ZNF681: variants seen among roughly 807,000 people sequenced by gnomAD.
ZNF681 encodes zinc finger protein 681, also known as hypothetical protein FLJ31526.
A neutral mutation model predicts 56.0 loss-of-function variants in ZNF681; 37 were observed. That is an observed-to-expected ratio of 0.66 (90% CI 0.51 to 0.87). ZNF681 has a LOEUF of 0.87. Ranked by LOEUF, ZNF681 falls within the 40% of genes least tolerant of loss-of-function variation. The pLI is 0.00. For synonymous variants in ZNF681, 225 were observed against 248.6 expected, an observed-to-expected ratio of 0.91 and a Z score of 0.89; for missense variants, 741 against 744.9, an observed-to-expected ratio of 0.99 and a Z score of 0.06.
intron 3 of ZNF681, among the ~76,000 whole-genome samples, chr19:23,751,022 G>A (rs1316571732): frequency 1.7e-4 from 10 of 58,472 alleles, no homozygotes; most frequent in Admixed American, 4.8e-4. Context: ...TCTGCTACTC[G>A]GGAGGCTGAG....
In ZNF681 at chr19:23,745,367, C is replaced by G. The variant is rs1409062655; in HGVS notation, c.227-44G>C. ...ACAAATGACTCCACTTGATAAGACT[C>G]TAAATATACTTTACAAATCCAACCT... On this transcript the variant is annotated intron_variant, in intron 3 of 3. Coordinates refer to ENST00000402377, the MANE Select transcript of ZNF681 (RefSeq NM_138286.3). The G allele has an allele frequency of 2.8e-6, 4 of 1,411,470 alleles. No homozygotes were observed. The African/African-American group carries it at 5.8e-5, about 21-fold the overall frequency. The allele number at this position is 1,411,470 out of a possible 1,614,324, so 87.4% of individuals were successfully genotyped here. A position where few individuals can be genotyped will look rare whatever the true frequency, so the allele number is the denominator to read the frequency against.
intron 1 of ZNF681, among the ~76,000 whole-genome samples, chr19:23,757,153 T>G (rs2144856869): frequency 6.6e-6 from 1 of 152,244 alleles, no homozygotes; most frequent in South Asian, 2.1e-4. Flanking sequence ...CCCAAAATGC[T>G]GGGATTACAG....
chr19:23,746,418 C>G (rs2144842022), intron 3 of ZNF681, among the ~76,000 whole-genome samples: 1 of 152,142 alleles, frequency 6.6e-6, no homozygotes, highest in Non-Finnish European at 1.5e-5. Context: ...GAGGGTCTCA[C>G]AAAGCTTACA....
At chr19:23,753,322 C>A (rs1262945496) in intron 3 of ZNF681, among the ~76,000 whole-genome samples, 3 of 152,272 alleles carry the variant, frequency 2.0e-5, no homozygotes, top group Non-Finnish European at 4.4e-5. Flanking sequence ...TTGCTTGAAC[C>A]CGGGAGGCAG....
chr19:23,754,037 G>A (rs1354521857), intron 3 of ZNF681, among the ~76,000 whole-genome samples: 1 of 150,990 alleles, frequency 6.6e-6, no homozygotes, highest in Non-Finnish European at 1.5e-5. Flanking sequence ...AAACAAAGCT[G>A]AACGACATCA....
chr19:23,749,172 C>T (rs934509778), intron 3 of ZNF681, among the ~76,000 whole-genome samples: 1 of 152,018 alleles, frequency 6.6e-6, no homozygotes, highest in Non-Finnish European at 1.5e-5. Flanking sequence ...TAAAAAAAAT[C>T]TTGTCACACT....
chr19:23,750,294 A>AC lies in ZNF681; in HGVS notation c.226+4528_226+4529insG, dbSNP rs1390449596. On this transcript the variant is annotated intron_variant, in intron 3 of 3. Transcript: ENST00000402377. ...GTGAGACTCCAACTCAAAAAAAAAA[A>AC]AAAAAAAAACCAAAAAACAACTAAG... 3.4e-4 allele frequency among the ~76,000 whole-genome samples: 25 copies of AC among 74,192 alleles called. 1 individual carries two copies. Among genetic ancestry groups the AC allele is most frequent in the Non-Finnish European group, 5.5e-4 (22 of 40,064 alleles). 48.7% of individuals were successfully genotyped at this position (74,192 alleles called of 152,430 possible).
chr19:23,750,072 G>A (rs993143510), intron 3 of ZNF681, among the ~76,000 whole-genome samples: 1 of 151,370 alleles, frequency 6.6e-6, no homozygotes, highest in Non-Finnish European at 1.5e-5. Context: ...ATCACCTGAG[G>A]TCGGAAGTTC....
chr19:23,749,054 T>C (rs963256120), intron 3 of ZNF681, among the ~76,000 whole-genome samples: 2 of 152,214 alleles, frequency 1.3e-5, no homozygotes, highest in Non-Finnish European at 2.9e-5. Context: ...ATATTGATGT[T>C]TACTGTACCA....
At chr19:23,754,220 G>A (rs540997371) in intron 3 of ZNF681, among the ~76,000 whole-genome samples, 18 of 152,136 alleles carry the variant, frequency 1.2e-4, no homozygotes, top group East Asian at 3.9e-4. Flanking sequence ...CCAAAACAAT[G>A]GAAAAGCAGT....
At chr19:23,745,555 C>T (rs961476263) in intron 3 of ZNF681, among the ~76,000 whole-genome samples, 2 of 150,930 alleles carry the variant, frequency 1.3e-5, no homozygotes, top group Non-Finnish European at 2.9e-5. Flanking sequence ...CAGGTTCAAG[C>T]AACTCTCCTG....
At chr19:23,754,098 C>A (rs1041554976) in intron 3 of ZNF681, among the ~76,000 whole-genome samples, 1 of 145,802 alleles carries the variant, frequency 6.9e-6, no homozygotes, top group Admixed American at 7.1e-5. Flanking sequence ...ACAAACAGGA[C>A]GGAATATGCA....
At chr19:23,750,102 T>C (rs1390766316) in intron 3 of ZNF681, among the ~76,000 whole-genome samples, 3 of 151,220 alleles carry the variant, frequency 2.0e-5, no homozygotes, top group East Asian at 3.9e-4. Flanking sequence ...CTGGTCAACA[T>C]TGTGAAACCC....
chr19:23,742,568 T>C lies in ZNF681; in HGVS notation c.*1044A>G, dbSNP rs542524392. On this transcript the variant is annotated 3_prime_UTR_variant, in exon 4 of 4. Transcript: ENST00000402377. Reference sequence around the variant, plus strand: ...CTCAATATAACACAGGATATTTATCTGAACTCCTACCTCATGCATCAGTCA... The same window carrying C: ...CTCAATATAACACAGGATATTTATCCGAACTCCTACCTCATGCATCAGTCA... 1 of 152,248 alleles carries C rather than the reference T, an allele frequency of 6.6e-6. No individual in the cohort carries two copies. Among genetic ancestry groups the C allele is most frequent in the African/African-American group, 2.4e-5 (1 of 41,552 alleles). 9.4% of individuals were successfully genotyped at this position (152,248 alleles called of 1,614,324 possible).
At chr19:23,755,362 T>A in intron 2 of ZNF681, 63 bp downstream of exon 2, 1 of 1,538,378 alleles carries the variant, frequency 6.5e-7, no homozygotes, top group Admixed American at 2.2e-5. Flanking sequence ...AAAAACATTA[T>A]ACAAAAAAGA....
rs368732075 is a variant in ZNF681 at position 23,743,534 on chromosome 19, G to GT, written c.*77dup. 3.0e-3 allele frequency: 3,787 copies of GT among 1,259,664 alleles called. 53 individuals carry two copies. The African/African-American group carries it at 0.039, about 13-fold the overall frequency. 78.0% of individuals were successfully genotyped at this position (1,259,664 alleles called of 1,614,324 possible). A position where few individuals can be genotyped will look rare whatever the true frequency, so the allele number is the denominator to read the frequency against. ...TTTGCCACATTCTTCACACTTGTAG[G>GT]TTTTTTTTTAGTATGAATTATCTTA... On this transcript the variant is annotated 3_prime_UTR_variant, in exon 4 of 4. Coordinates refer to ENST00000402377, the MANE Select transcript of ZNF681 (RefSeq NM_138286.3).
At chr19:23,755,237 A>G (rs1969094541) in intron 2 of ZNF681, among the ~76,000 whole-genome samples, 188 bp downstream of exon 2, 1 of 152,176 alleles carries the variant, frequency 6.6e-6, no homozygotes, top group African/African-American at 2.4e-5. Flanking sequence ...AGGAATGCAG[A>G]AAGTTCAGGT....
In ZNF681 at chr19:23,754,890, G is replaced by A; in HGVS notation, c.159C>T (p.Ile53=). 1 of 1,613,948 alleles carries A rather than the reference G, an allele frequency of 6.2e-7. No homozygotes were observed. The highest frequency in any genetic ancestry group is 8.5e-7 in the Non-Finnish European group (1 of 1,179,956). Residue 53 remains isoleucine (I), a synonymous_variant, in exon 3 of 4, where the codon ATC becomes ATT. Transcript: ENST00000402377. ...GCTCTTTTTCTTGTTCCAGACAGGT[G>A]ATCAGGTCTGGCTTAGAGACAACAA... ...LGIVVSKPDL[I]TCLEQEKEPW...
Position 23,744,897 on chromosome 19 carries a change from C to G in ZNF681, c.653G>C (p.Arg218Thr), listed in dbSNP as rs772857367. 1.2e-6 allele frequency: 2 copies of G among 1,609,246 alleles called. No individual in the cohort carries two copies. Among genetic ancestry groups the G allele is most frequent in the African/African-American group, 2.7e-5 (2 of 73,598 alleles). Reference protein sequence around the residue: ...NGSSIFTKHKRIHIGEKSYIC... With the variant: ...NGSSIFTKHKTIHIGEKSYIC... ...GTACGATTTCTCTCCAATATGAATT[C>G]TTTTATGTTTAGTAAAGATTGAGGA... The change falls in exon 4 of 4, where the codon AGA becomes ACA. Residue 218 changes from arginine (R) to threonine (T), a missense_variant. Arg to Thr is a moderately conservative substitution (Grantham distance 71, BLOSUM62 -1). Transcript: ENST00000402377.
Sources: gnomAD v4.1 joint callset for allele counts (sites outside exome capture counted in the v4.1 genomes callset) on GRCh38, gnomAD v4.1.1 for gene constraint, MANE v1.5 for transcripts, NCBI Gene and HGNC (gene_info 2026-07-23, HGNC 2026-07-21) for gene names.